Variants in TRMT11 observed in about 807,000 individuals in gnomAD.
TRMT11 encodes tRNA methyltransferase 11, also known as tRNA (guanine(10)-N(2))-methyltransferase TRMT11.
TRMT11 carries 53 observed loss-of-function variants against 62.8 expected under a neutral mutation model. The observed-to-expected ratio is 0.84, with a 90% CI of 0.68 to 1.06. The LOEUF (loss-of-function observed/expected upper bound fraction) is 1.06, where lower values mean the gene tolerates loss of function less well. Among genes scored for constraint, TRMT11 ranks in the 50% least tolerant of loss-of-function variants. The pLI, the probability that TRMT11 is intolerant of heterozygous loss-of-function variation, is 0.00. For missense variants in TRMT11, 556 were observed against 553.4 expected, an observed-to-expected ratio of 1.00 and a Z score of -0.05; for synonymous variants, 188 against 190.3, an observed-to-expected ratio of 0.99 and a Z score of 0.10.
In TRMT11 at chr6:125,998,281, C is replaced by T. The variant is rs1237915662; in HGVS notation, c.353C>T (p.Thr118Ile). The T allele has an allele frequency of 5.6e-6, 9 of 1,601,316 alleles. No individual in the cohort carries two copies. The highest frequency in any genetic ancestry group is 1.7e-5 in the Admixed American group (1 of 59,676). ...ATAAAGATTCACACTTTTAATAAGA[C>T]ATTGACACAAGAAGAGAAAATCAAG... ...YKIKIHTFNKTLTQEEKIKRI... is the reference protein window; with the variant it reads ...YKIKIHTFNKILTQEEKIKRI... Residue 118 changes from threonine (T) to isoleucine (I), a missense_variant, in exon 5 of 13, where the codon ACA becomes ATA. Thr to Ile is a moderately conservative substitution (Grantham distance 89). Transcript: ENST00000334379.
chr6:126,118,751 A>G (rs1365322862), intron 21 of TRMT11, among the ~76,000 whole-genome samples: 2 of 152,120 alleles, frequency 1.3e-5, no homozygotes, highest in African/African-American at 2.4e-5. Flanking sequence ...TATCCCATCC[A>G]TAATAGAAAT....
intron 21 of TRMT11, among the ~76,000 whole-genome samples, chr6:126,168,786 G>A (rs917304366): frequency 1.3e-5 from 2 of 152,118 alleles, no homozygotes; most frequent in Non-Finnish European, 2.9e-5. Context: ...CAAAGTGCTG[G>A]GATTACAGGT....
intron 11 of TRMT11, among the ~76,000 whole-genome samples, chr6:126,016,877 T>A (rs966365402): frequency 2.0e-5 from 3 of 152,168 alleles, no homozygotes; most frequent in African/African-American, 7.2e-5. Flanking sequence ...TCTTCTCTCT[T>A]TAAGCCTAAA....
chr6:126,044,866 G>T (rs1468602504), intron 16 of TRMT11, among the ~76,000 whole-genome samples: 1 of 151,672 alleles, frequency 6.6e-6, no homozygotes, highest in Non-Finnish European at 1.5e-5. Context: ...TGGGACTTGG[G>T]TATAAGGAAG....
chr6:126,134,229 C>T (rs376379427), intron 21 of TRMT11, among the ~76,000 whole-genome samples: 2 of 151,674 alleles, frequency 1.3e-5, no homozygotes, highest in Admixed American at 1.3e-4. Flanking sequence ...AACAATAAGA[C>T]CCAATTATAT....
intron 1 of TRMT11, among the ~76,000 whole-genome samples, chr6:126,180,336 T>C (rs1264131362): frequency 6.6e-6 from 1 of 152,208 alleles, no homozygotes; most frequent in Non-Finnish European, 1.5e-5. Flanking sequence ...ATAAATACCT[T>C]GTCCAAGCCA....
chr6:126,075,144 T>G (rs1776981975), intron 17 of TRMT11, among the ~76,000 whole-genome samples: 1 of 152,142 alleles, frequency 6.6e-6, no homozygotes, highest in African/African-American at 2.4e-5. Context: ...TGCAAATTAA[T>G]CAGGAAGACA....
upstream of TRMT11, among the ~76,000 whole-genome samples, chr6:126,173,715 C>T (rs974048109): frequency 3.3e-5 from 5 of 152,204 alleles, no homozygotes; most frequent in African/African-American, 1.2e-4. Flanking sequence ...ACTTAGCATC[C>T]TTCAGTGTGT....
intron 12 of TRMT11, among the ~76,000 whole-genome samples, chr6:126,026,127 A>T (rs966772677): frequency 6.6e-6 from 1 of 152,164 alleles, no homozygotes; most frequent in Non-Finnish European, 1.5e-5. Flanking sequence ...ATGATGAGTA[A>T]CACTTTTATA....
intron 12 of TRMT11, among the ~76,000 whole-genome samples, chr6:126,037,724 A>G (rs1775445409): frequency 6.6e-6 from 1 of 152,116 alleles, no homozygotes; most frequent in Admixed American, 6.6e-5. Flanking sequence ...AATGCTAGGT[A>G]TGATGGAAAA....
chr6:126,271,621 A>G, the TRMT11 span, among the ~76,000 whole-genome samples: 2 of 152,154 alleles, frequency 1.3e-5, no homozygotes, highest in African/African-American at 4.8e-5. Context: ...TCTGTCTAAA[A>G]GAAAATATGT....
At chr6:126,093,621 A>T (rs868060161) in intron 17 of TRMT11, among the ~76,000 whole-genome samples, 2,026 of 90,064 alleles carry the variant, frequency 0.022, 289 homozygotes, top group African/African-American at 0.17. Flanking sequence ...ATATATATAT[A>T]TATATATATA....
chr6:126,084,226 C>T (rs570895625), intron 17 of TRMT11, among the ~76,000 whole-genome samples: 1 of 152,178 alleles, frequency 6.6e-6, no homozygotes, highest in South Asian at 2.1e-4. Context: ...ATAAGAGTTC[C>T]CTTTTTTCCA....
the TRMT11 span, among the ~76,000 whole-genome samples, chr6:126,215,473 T>G: frequency 6.6e-6 from 1 of 152,114 alleles, no homozygotes; most frequent in Admixed American, 6.6e-5. Flanking sequence ...GCTTTTGTCT[T>G]GAAATCTATT....
chr6:126,208,634 A>T (rs571406586), downstream of TRMT11, among the ~76,000 whole-genome samples: 30 of 152,358 alleles, frequency 2.0e-4, no homozygotes, highest in African/African-American at 7.0e-4. Context: ...TACCTTGAAG[A>T]TTATGTAGTT....
At chr6:126,214,778 GT>G in the TRMT11 span, among the ~76,000 whole-genome samples, 1 of 151,612 alleles carries the variant, frequency 6.6e-6, no homozygotes, top group East Asian at 1.9e-4. Context: ...CTGATTTTGT[GT>G]TTGGTTTGCT....
intron 1 of TRMT11, among the ~76,000 whole-genome samples, chr6:126,198,296 A>G (rs981718794): frequency 2.0e-5 from 3 of 152,124 alleles, no homozygotes; most frequent in Admixed American, 6.5e-5. Flanking sequence ...TAGGGAAAAA[A>G]CAAGCATAAG....
chr6:126,051,626 A>G (rs1472849418), intron 16 of TRMT11, among the ~76,000 whole-genome samples: 1 of 152,168 alleles, frequency 6.6e-6, no homozygotes, highest in Non-Finnish European at 1.5e-5. Context: ...TAGGGATTCA[A>G]TGGAGAAATA....
At chr6:126,203,923 G>GT (rs1201694751), downstream of TRMT11, among the ~76,000 whole-genome samples, 1 of 140,350 alleles carries the variant, frequency 7.1e-6, no homozygotes, top group Admixed American at 6.8e-5. Context: ...ATCATTTTGT[G>GT]TGTGTGTGTG....
Sources: allele counts gnomAD v4.1 joint callset (sites outside exome capture counted in the v4.1 genomes callset), GRCh38; gene constraint gnomAD v4.1.1; transcripts MANE v1.5; gene names NCBI Gene and HGNC (gene_info 2026-07-23, HGNC 2026-07-21).